Variants in DENND2B observed in about 807,000 individuals in gnomAD.
DENND2B encodes DENN domain-containing protein 2B.
In DENND2B, 32 loss-of-function variants were observed where a neutral mutation model predicts 116.0. That is an observed-to-expected ratio of 0.28 (90% confidence interval 0.21 to 0.37). The LOEUF is 0.37. Among genes scored for constraint, DENND2B ranks in the 10% least tolerant of loss-of-function variants. The probability of loss-of-function intolerance (pLI) is 1.00; values close to 1 mark genes in which losing one functional copy is unlikely to be tolerated. For synonymous variants in DENND2B, 588 were observed against 583.9 expected (o/e 1.01, Z -0.10); for missense variants, 1,276 against 1,477.7 (o/e 0.86, Z 2.24).
At chr11:8,905,871 C>G (rs185759446) in intron 1 of DENND2B, among the ~76,000 whole-genome samples, 293 of 151,980 alleles carry the variant, frequency 1.9e-3, no homozygotes, top group African/African-American at 6.3e-3. Flanking sequence ...CATGCTACGA[C>G]ATGTGTGAGC....
chr11:8,799,300 G>T (rs1358859720), intron 1 of DENND2B, among the ~76,000 whole-genome samples: 1 of 152,126 alleles, frequency 6.6e-6, no homozygotes, highest in African/African-American at 2.4e-5. Flanking sequence ...AGAGAGGCAG[G>T]GACTCGGAAA....
At chr11:8,845,992 C>A (rs936350655) in intron 3 of DENND2B, among the ~76,000 whole-genome samples, 2 of 152,134 alleles carry the variant, frequency 1.3e-5, no homozygotes, top group African/African-American at 4.8e-5. Context: ...AGAATCAGGG[C>A]CCACACTTTA....
intron 2 of DENND2B, among the ~76,000 whole-genome samples, chr11:8,744,782 G>A (rs1335540266): frequency 6.6e-6 from 1 of 152,122 alleles, no homozygotes. Context: ...GTTACCCTAA[G>A]CCTGTCCCAC....
At chr11:8,788,093 G>A (rs760899103) in intron 1 of DENND2B, among the ~76,000 whole-genome samples, 11 of 152,180 alleles carry the variant, frequency 7.2e-5, no homozygotes, top group Non-Finnish European at 1.0e-4. Flanking sequence ...AAAATGCTGG[G>A]GTGGGTTCTC....
chr11:8,781,326 C>T (rs943276246), intron 1 of DENND2B, among the ~76,000 whole-genome samples: 26 of 151,964 alleles, frequency 1.7e-4, no homozygotes, highest in Non-Finnish European at 3.1e-4. Context: ...TTGGAAGCAA[C>T]GTGGGGAGTT....
At chr11:8,835,313 A>C (rs1308892362) in intron 4 of DENND2B, among the ~76,000 whole-genome samples, 1 of 152,230 alleles carries the variant, frequency 6.6e-6, no homozygotes, top group Non-Finnish European at 1.5e-5. Flanking sequence ...CAGGTTAATT[A>C]AAAGATGGAT....
chr11:8,892,465 T>C (rs1485466528), intron 1 of DENND2B, among the ~76,000 whole-genome samples: 3 of 151,866 alleles, frequency 2.0e-5, no homozygotes, highest in Non-Finnish European at 4.4e-5. Context: ...GGAGCTGGTT[T>C]TTTGAAAAGA....
At chr11:8,850,963 G>A (rs1028503811) in intron 3 of DENND2B, among the ~76,000 whole-genome samples, 11 of 152,080 alleles carry the variant, frequency 7.2e-5, no homozygotes, top group Admixed American at 3.3e-4. Context: ...CTTATATGCC[G>A]AATCTAGAAA....
At chr11:8,752,092 G>C (rs1296198553) in intron 1 of DENND2B, among the ~76,000 whole-genome samples, 2 of 152,220 alleles carry the variant, frequency 1.3e-5, no homozygotes, top group Non-Finnish European at 2.9e-5. Flanking sequence ...GAATTATCAC[G>C]TGTGTGATAA....
chr11:8,906,691 T>C (rs1014382922), intron 1 of DENND2B, among the ~76,000 whole-genome samples: 1 of 152,160 alleles, frequency 6.6e-6, no homozygotes, highest in Admixed American at 6.5e-5. Flanking sequence ...TTCTCAGAAG[T>C]TTGATTCATT....
At chr11:8,757,063 A>G (rs935884475) in intron 1 of DENND2B, 5 of 456,220 alleles carry the variant, frequency 1.1e-5, no homozygotes, top group Admixed American at 2.3e-5. Flanking sequence ...ACTTTTCTAC[A>G]AACTGCATCC....
rs1391096691 is a variant in DENND2B at position 8,699,973 on chromosome 11, C to T, written c.2721-583G>A. 2.8e-5 allele frequency: 13 copies of T among 456,274 alleles called. No individual in the cohort carries two copies. The East Asian group carries it at 7.6e-4, about 27-fold the overall frequency. The allele number at this position is 456,274 out of a possible 1,614,324, so 28.3% of individuals were successfully genotyped here. A position where few individuals can be genotyped will look rare whatever the true frequency, so the allele number is the denominator to read the frequency against. ...CAGGCCAAGAACAAGACCTTGGGAT[C>T]GTCCCTCCCAGAATGGTCCTGGAAT... is the stretch of plus-strand genomic sequence containing the variant. On this transcript the variant is annotated intron_variant, in intron 14 of 19. Transcript: ENST00000313726.
At chr11:8,812,633 G>A (rs1181545841), upstream of DENND2B, among the ~76,000 whole-genome samples, 3 of 152,166 alleles carry the variant, frequency 2.0e-5, no homozygotes, top group Non-Finnish European at 4.4e-5. Context: ...GGGGTCAGAA[G>A]ACCTTGGCAG....
chr11:8,786,821 A>AAAAC (rs1309684135), intron 1 of DENND2B, among the ~76,000 whole-genome samples: 4 of 151,990 alleles, frequency 2.6e-5, no homozygotes, highest in Non-Finnish European at 4.4e-5. Flanking sequence ...TGTCTCAAAG[A>AAAAC]AAACAAACAA....
At chr11:8,718,645 G>A in intron 4 of DENND2B, 1 of 1,291,462 alleles carries the variant, frequency 7.7e-7, no homozygotes, top group Non-Finnish European at 9.8e-7. Flanking sequence ...GTGACACAGG[G>A]GAGGTGTGAA....
At chr11:8,878,312 T>C (rs1267672995) in intron 2 of DENND2B, among the ~76,000 whole-genome samples, 1 of 152,178 alleles carries the variant, frequency 6.6e-6, no homozygotes, top group Non-Finnish European at 1.5e-5. Flanking sequence ...GTTCAACTAC[T>C]TGTACACAAA....
chr11:8,718,476 A>G, intron 4 of DENND2B: 1 of 1,486,752 alleles, frequency 6.7e-7, no homozygotes, highest in Non-Finnish European at 8.9e-7. Flanking sequence ...TGTGTTGTTC[A>G]CTGAGGCAAC....
intron 2 of DENND2B, among the ~76,000 whole-genome samples, chr11:8,737,969 G>C (rs1191867958): frequency 6.7e-6 from 1 of 149,930 alleles, no homozygotes; most frequent in East Asian, 2.0e-4. Context: ...GATAGGTCTT[G>C]AAGTCCTGGC....
At chr11:8,861,036 C>T (rs1047223498) in intron 2 of DENND2B, among the ~76,000 whole-genome samples, 6 of 151,670 alleles carry the variant, frequency 4.0e-5, no homozygotes, top group East Asian at 3.9e-4. Flanking sequence ...AAAATTAACT[C>T]GAGATGGATC....
Sources: allele counts gnomAD v4.1 joint callset (sites outside exome capture counted in the v4.1 genomes callset), GRCh38; gene constraint gnomAD v4.1.1; transcripts MANE v1.5; gene names NCBI Gene and HGNC (gene_info 2026-07-23, HGNC 2026-07-21).